ANKRD6: variants seen among roughly 807,000 people sequenced by gnomAD.
ANKRD6 encodes ankyrin repeat domain 6.
In ANKRD6, 56 loss-of-function variants were observed where a neutral mutation model predicts 82.3. The observed-to-expected ratio is 0.68, with a 90% confidence interval of 0.55 to 0.85. ANKRD6 has a LOEUF of 0.85. Ranked by LOEUF, ANKRD6 falls within the 40% of genes least tolerant of loss-of-function variation. The pLI, the probability that ANKRD6 is intolerant of heterozygous loss-of-function variation, is 0.00. For synonymous variants in ANKRD6, 347 were observed against 352.1 expected (o/e 0.99, Z 0.16); for missense variants, 852 against 907.6 (o/e 0.94, Z 0.79).
At chr6:89,447,764 C>T (rs1275305936) in intron 1 of ANKRD6, among the ~76,000 whole-genome samples, 1 of 152,154 alleles carries the variant, frequency 6.6e-6, no homozygotes, top group Non-Finnish European at 1.5e-5. Context: ...TGTCGGGTCA[C>T]TGCAACCTCT....
intron 1 of ANKRD6, among the ~76,000 whole-genome samples, chr6:89,435,082 A>T (rs1389451236): frequency 6.6e-6 from 1 of 152,166 alleles, no homozygotes; most frequent in Non-Finnish European, 1.5e-5. Flanking sequence ...CTTTCCAGAT[A>T]AGCATATGCT....
intron 2 of ANKRD6, among the ~76,000 whole-genome samples, chr6:89,585,572 A>G (rs1793509692): frequency 6.6e-6 from 1 of 152,268 alleles, no homozygotes; most frequent in Non-Finnish European, 1.5e-5. Context: ...TCTAATTAGC[A>G]TAGGAAATAT....
At chr6:89,459,582 CT>C (rs34232862) in intron 1 of ANKRD6, among the ~76,000 whole-genome samples, 44,746 of 152,132 alleles carry the variant, frequency 0.29, 6,767 homozygotes, top group African/African-American at 0.32. Context: ...TCACTGCAGC[CT>C]TTAACTCCTG....
At chr6:89,524,534 T>C (rs1383984985) in intron 1 of ANKRD6, among the ~76,000 whole-genome samples, 1 of 152,122 alleles carries the variant, frequency 6.6e-6, no homozygotes, top group African/African-American at 2.4e-5. Context: ...TGGGCTGGAG[T>C]TGTATTCAGT....
chr6:89,523,695 G>A (rs752021951), intron 1 of ANKRD6, among the ~76,000 whole-genome samples: 1 of 152,136 alleles, frequency 6.6e-6, no homozygotes, highest in Non-Finnish European at 1.5e-5. Context: ...TACCCAGGCT[G>A]CCAGCCTCAT....
intron 1 of ANKRD6, among the ~76,000 whole-genome samples, chr6:89,506,787 C>G (rs951197713): frequency 1.3e-5 from 2 of 152,194 alleles, no homozygotes; most frequent in Non-Finnish European, 1.5e-5. Flanking sequence ...GTTCGCATCC[C>G]GATCTCTAGC....
chr6:89,573,757 C>A (rs1195497458), intron 2 of ANKRD6, among the ~76,000 whole-genome samples: 1 of 152,224 alleles, frequency 6.6e-6, no homozygotes, highest in Non-Finnish European at 1.5e-5. Context: ...CGCAGTGCCT[C>A]ATCTTTGAAC....
chr6:89,559,490 C>A (rs1304773166), intron 1 of ANKRD6, among the ~76,000 whole-genome samples: 1 of 152,156 alleles, frequency 6.6e-6, no homozygotes, highest in Non-Finnish European at 1.5e-5. Context: ...AAATAAATAA[C>A]AAAAATGGTT....
intron 1 of ANKRD6, among the ~76,000 whole-genome samples, chr6:89,535,517 C>T (rs1717860367): frequency 1.3e-5 from 2 of 152,138 alleles, no homozygotes; most frequent in African/African-American, 2.4e-5. Flanking sequence ...ACGTGATGCA[C>T]ATATGGTTGT....
At chr6:89,498,051 T>C (rs988337454) in intron 1 of ANKRD6, among the ~76,000 whole-genome samples, 1 of 152,212 alleles carries the variant, frequency 6.6e-6, no homozygotes, top group Non-Finnish European at 1.5e-5. Context: ...TTAATATCAG[T>C]TCCAGAGGGA....
At position 89,631,058 on chromosome 6, in the gene ANKRD6, T is replaced by C. The variant is rs1807307487; in HGVS notation, c.*54T>C. 2 of 1,455,052 alleles carry C rather than the reference T, an allele frequency of 1.4e-6. No individual in the cohort carries two copies. Among genetic ancestry groups the C allele is most frequent in the Non-Finnish European group, 1.8e-6 (2 of 1,109,728 alleles). The allele number at this position is 1,455,052 out of a possible 1,614,324, so 90.1% of individuals were successfully genotyped here. A position where few individuals can be genotyped will look rare whatever the true frequency, so the allele number is the denominator to read the frequency against. On this transcript the variant is annotated 3_prime_UTR_variant, in exon 16 of 16. Coordinates refer to ENST00000339746, the MANE Select transcript of ANKRD6 (RefSeq NM_001242809.2). ...TCTTGAAGATTTCCAGTTTTGCAACTGCATAATAGCTATGCCCAAGGAGTC... is the reference window on the plus strand; with the variant it reads ...TCTTGAAGATTTCCAGTTTTGCAACCGCATAATAGCTATGCCCAAGGAGTC...
At chr6:89,550,558 A>G (rs1375217121) in intron 1 of ANKRD6, among the ~76,000 whole-genome samples, 1 of 152,198 alleles carries the variant, frequency 6.6e-6, no homozygotes, top group African/African-American at 2.4e-5. Flanking sequence ...GCTGCTGGAT[A>G]CTGGTTAGTC....
In ANKRD6 at chr6:89,433,249, C is replaced by G. The variant is rs1164944558; in HGVS notation, c.-270C>G. 2.0e-5 allele frequency: 3 copies of G among 151,834 alleles called. No homozygotes were observed. Among genetic ancestry groups the G allele is most frequent in the Admixed American group, 6.6e-5 (1 of 15,226 alleles). 9.4% of individuals were successfully genotyped at this position (151,834 alleles called of 1,614,324 possible). Reference sequence around the variant, plus strand: ...CGCGCGGGCGGCTGGAGGCACGGCGCTGGGCGGCGCCGAGGCCCTGGGGCC... The same window carrying G: ...CGCGCGGGCGGCTGGAGGCACGGCGGTGGGCGGCGCCGAGGCCCTGGGGCC... On this transcript the variant is annotated 5_prime_UTR_variant, in exon 1 of 16. Transcript: ENST00000339746. The surrounding 1 kb of genome is among the most constrained non-coding windows in gnomAD (Gnocchi z 4.3).
At chr6:89,477,668 G>A (rs1776211544) in intron 1 of ANKRD6, among the ~76,000 whole-genome samples, 1 of 151,728 alleles carries the variant, frequency 6.6e-6, no homozygotes, top group Admixed American at 6.6e-5. Context: ...CTACTCGGGA[G>A]GCTGAGGCAG....
At chr6:89,474,889 T>C (rs1775869537) in intron 1 of ANKRD6, among the ~76,000 whole-genome samples, 1 of 152,164 alleles carries the variant, frequency 6.6e-6, no homozygotes, top group African/African-American at 2.4e-5. Context: ...TTTTCTAGTG[T>C]AGTAGTGGAT....
chr6:89,478,949 C>T (rs1776434934), intron 1 of ANKRD6, among the ~76,000 whole-genome samples: 1 of 152,104 alleles, frequency 6.6e-6, no homozygotes, highest in Non-Finnish European at 1.5e-5. Flanking sequence ...ACCTTTATTT[C>T]AGATTTCTAG....
Position 89,604,283 on chromosome 6 carries a change from G to A in ANKRD6, c.318+1156G>A, listed in dbSNP as rs954114360. Among the ~76,000 whole-genome samples, 8 of 152,076 alleles carry A rather than the reference G, an allele frequency of 5.3e-5. 1 individual carries two copies. In the East Asian group the frequency reaches 7.7e-4, roughly 15 times the overall value. ...GTGGAGGTTGCAGTGAGCTGAGATC[G>A]TGCCATTGCATTCCAGCTTGGGCAA... is the stretch of plus-strand genomic sequence containing the variant. On this transcript the variant is annotated intron_variant, in intron 4 of 15. Coordinates refer to ENST00000339746, the MANE Select transcript of ANKRD6 (RefSeq NM_001242809.2).
At position 89,433,847 on chromosome 6, in the gene ANKRD6, C is replaced by T. The variant is rs1330204940; in HGVS notation, c.-144+472C>T. 6.6e-6 allele frequency among the ~76,000 whole-genome samples: 1 copy of T among 152,200 alleles called. No individual in the cohort carries two copies. The highest frequency in any genetic ancestry group is 1.5e-5 in the Non-Finnish European group (1 of 68,016). ...TAGGGTGCAGTCGCAGGAGAGGGGC[C>T]GATACCCCTCAGGAGCCCCATCGGC... On this transcript the variant is annotated intron_variant, in intron 1 of 15. Transcript: ENST00000339746. This position sits in a 1 kb window ranked among gnomAD's most constrained non-coding sequence, Gnocchi z 4.3.
chr6:89,482,480 A>G (rs76352715), intron 1 of ANKRD6, among the ~76,000 whole-genome samples: 3,162 of 152,252 alleles, frequency 0.021, 35 homozygotes, highest in South Asian at 0.038. Context: ...CCAGGTCTAA[A>G]AATCCTGAAA....
Sources: gnomAD v4.1 joint callset for allele counts (sites outside exome capture counted in the v4.1 genomes callset) on GRCh38, gnomAD v4.1.1 for gene constraint, Gnocchi (gnomAD v3.1) non-coding constraint, MANE v1.5 for transcripts, NCBI Gene and HGNC (gene_info 2026-07-23, HGNC 2026-07-21) for gene names.